Variants in PXDNL observed in about 807,000 individuals in gnomAD.
PXDNL encodes probable oxidoreductase PXDNL.
A neutral mutation model predicts 150.8 loss-of-function variants in PXDNL; 145 were observed. That is an observed-to-expected ratio of 0.96 (90% CI 0.84 to 1.10). The LOEUF (loss-of-function observed/expected upper bound fraction) is 1.10, where lower values mean the gene tolerates loss of function less well. PXDNL is among the 50% of genes least tolerant of loss of function. The pLI, the probability that PXDNL is intolerant of heterozygous loss-of-function variation, is 0.00. For synonymous variants in PXDNL, 757 were observed against 725.7 expected (o/e 1.04, Z -0.69); for missense variants, 2,087 against 1,873.9 (o/e 1.11, Z -2.10).
rs1315249734 is a variant in PXDNL, at chr8:51,413,198, T to C, written c.1856A>G (p.Gln619Arg). ...FVESSILDAV[Q>R]RVDSAINSTR... Reference sequence around the variant, plus strand: ...GGAGTTAATTGCACTGTCAACTCTCTGTACAGCATCAAGAATGGAAGATTC... The same window carrying C: ...GGAGTTAATTGCACTGTCAACTCTCCGTACAGCATCAAGAATGGAAGATTC... The change falls in exon 15 of 23, where the codon CAG (glutamine) becomes CGG (arginine). Residue 619 changes from glutamine to arginine, a missense_variant. By Grantham distance (43) the Gln-to-Arg change is conservative. Coordinates refer to ENST00000356297, the MANE Select transcript of PXDNL (RefSeq NM_144651.5). The C allele has an allele frequency of 1.2e-6, 2 of 1,612,886 alleles. No individual in the cohort carries two copies. Among genetic ancestry groups the C allele is most frequent in the East Asian group, 2.2e-5 (1 of 44,854 alleles).
intron 2 of PXDNL, among the ~76,000 whole-genome samples, chr8:51,640,737 C>T (rs1330752293): frequency 6.6e-6 from 1 of 152,174 alleles, no homozygotes; most frequent in Non-Finnish European, 1.5e-5. Context: ...ATTCCATGCT[C>T]ATGGGTAGGA....
At chr8:51,724,555 T>G (rs35363824) in intron 1 of PXDNL, among the ~76,000 whole-genome samples, 21,347 of 152,212 alleles carry the variant, frequency 0.14, 1,899 homozygotes, top group Non-Finnish European at 0.19. Flanking sequence ...AAGTTGTGTT[T>G]ACCTGTGGAG....
chr8:51,441,113 G>C (rs1251552635), intron 12 of PXDNL, among the ~76,000 whole-genome samples: 2 of 152,134 alleles, frequency 1.3e-5, no homozygotes, highest in Non-Finnish European at 2.9e-5. Flanking sequence ...TACTGTTCTA[G>C]TAATATTGAG....
intron 1 of PXDNL, among the ~76,000 whole-genome samples, chr8:51,714,413 C>T (rs1468107344): frequency 2.6e-5 from 4 of 152,150 alleles, no homozygotes; most frequent in Non-Finnish European, 5.9e-5. Context: ...CATATAAGTA[C>T]ATCTAGAGCA....
chr8:51,656,036 G>T (rs1815143246), intron 1 of PXDNL, among the ~76,000 whole-genome samples: 1 of 152,188 alleles, frequency 6.6e-6, no homozygotes, highest in Admixed American at 6.5e-5. Flanking sequence ...GAAAGATGAA[G>T]TTATTTGCTT....
chr8:51,532,701 A>C (rs921277597), intron 4 of PXDNL, among the ~76,000 whole-genome samples: 2 of 152,164 alleles, frequency 1.3e-5, no homozygotes, highest in African/African-American at 2.4e-5. Context: ...TCTTTGACAA[A>C]GTCTCCCCAA....
intron 1 of PXDNL, among the ~76,000 whole-genome samples, chr8:51,737,549 A>C (rs558998022): frequency 4.2e-4 from 64 of 152,112 alleles, no homozygotes; most frequent in South Asian, 4.2e-3. Flanking sequence ...TCCTCTTTCT[A>C]CCCTGATGAA....
intron 19 of PXDNL, among the ~76,000 whole-genome samples, chr8:51,367,826 T>C (rs879260055): frequency 6.6e-6 from 1 of 152,084 alleles, no homozygotes; most frequent in Non-Finnish European, 1.5e-5. Context: ...AATTCATGGG[T>C]TAAAAACTGT....
chr8:51,646,105 A>C (rs1260597764), intron 2 of PXDNL, among the ~76,000 whole-genome samples: 3 of 152,154 alleles, frequency 2.0e-5, no homozygotes, highest in Non-Finnish European at 4.4e-5. Flanking sequence ...CCCTCACGTG[A>C]CTAAATTTGC....
rs777335028 is a variant in PXDNL at position 51,413,199 on chromosome 8, G to A, written c.1855C>T (p.Gln619Ter). ...GAGTTAATTGCACTGTCAACTCTCT[G>A]TACAGCATCAAGAATGGAAGATTCA... is the stretch of plus-strand genomic sequence containing the variant. Reference protein sequence around the residue: ...FVESSILDAVQRVDSAINSTR... With the variant: ...FVESSILDAV The change falls in exon 15 of 23, where the codon CAG (glutamine) becomes TAG (stop). Residue 619 changes from glutamine to a stop codon, truncating the protein, a stop_gained. Transcript: ENST00000356297. LOFTEE classifies it high-confidence loss of function. The A allele has an allele frequency of 9.9e-6, 16 of 1,612,512 alleles. No individual in the cohort carries two copies. The African/African-American group carries it at 2.1e-4, about 22-fold the overall frequency.
rs1806844723 is a variant in PXDNL at position 51,364,246 on chromosome 8, A to G, written c.3901+7627T>C. Among the ~76,000 whole-genome samples the G allele has an allele frequency of 2.0e-5, 3 of 152,340 alleles. No homozygotes were observed. The South Asian group carries it at 6.2e-4, about 32-fold the overall frequency. Reference sequence around the variant, plus strand: ...GAACCTGAAGACTGAATTTTCTGAGAACAACATCAGAGTTGTCCTTTGCCA... The same window carrying G: ...GAACCTGAAGACTGAATTTTCTGAGGACAACATCAGAGTTGTCCTTTGCCA... On this transcript the variant is annotated intron_variant, in intron 19 of 22. Transcript: ENST00000356297.
At chr8:51,745,638 C>T (rs75924058) in intron 1 of PXDNL, among the ~76,000 whole-genome samples, 3,463 of 152,298 alleles carry the variant, frequency 0.023, 134 homozygotes, top group African/African-American at 0.079. Context: ...CATTACCTTG[C>T]CTCCATCCTG....
intron 2 of PXDNL, among the ~76,000 whole-genome samples, chr8:51,596,520 T>C (rs1358376148): frequency 6.6e-6 from 1 of 152,212 alleles, no homozygotes; most frequent in African/African-American, 2.4e-5. Context: ...CCATCAACAC[T>C]GTATAAGCAT....
intron 2 of PXDNL, among the ~76,000 whole-genome samples, chr8:51,600,402 TTA>T (rs1813678188): frequency 7.6e-6 from 1 of 132,166 alleles, no homozygotes; most frequent in Non-Finnish European, 1.6e-5. Flanking sequence ...AAATTATATC[TTA>T]TATAAATTAT....
At chr8:51,659,479 T>TG (rs1815222965) in intron 1 of PXDNL, among the ~76,000 whole-genome samples, 1 of 152,208 alleles carries the variant, frequency 6.6e-6, no homozygotes, top group African/African-American at 2.4e-5. Flanking sequence ...AAATTCCTGC[T>TG]GCCAAAAAGA....
At chr8:51,483,232 A>G (rs909184730) in intron 6 of PXDNL, among the ~76,000 whole-genome samples, 2 of 152,286 alleles carry the variant, frequency 1.3e-5, no homozygotes, top group South Asian at 4.1e-4. Flanking sequence ...TTAATGTAGG[A>G]GGAAATGAGT....
intron 8 of PXDNL, among the ~76,000 whole-genome samples, chr8:51,463,843 T>C (rs1810138271): frequency 6.6e-6 from 1 of 152,142 alleles, no homozygotes; most frequent in African/African-American, 2.4e-5. Flanking sequence ...CCTGAATGAC[T>C]TTTGGGTAAA....
intron 4 of PXDNL, among the ~76,000 whole-genome samples, chr8:51,535,790 T>C (rs1186124707): frequency 1.3e-5 from 2 of 152,234 alleles, no homozygotes; most frequent in African/African-American, 2.4e-5. Flanking sequence ...CTTCTTTCTT[T>C]TTCTCCTTTC....
At position 51,628,399 on chromosome 8, in the gene PXDNL, C is replaced by CTTTTTTTTTT. The variant is rs71550276; in HGVS notation, c.236+26280_236+26289dup. Among the ~76,000 whole-genome samples, 237 of 69,796 alleles carry CTTTTTTTTTT rather than the reference C, an allele frequency of 3.4e-3. 4 individuals carry two copies. Among genetic ancestry groups the CTTTTTTTTTT allele is most frequent in the African/African-American group, 7.1e-3 (121 of 17,100 alleles). The allele number at this position is 69,796 out of a possible 152,430, so 45.8% of individuals were successfully genotyped here. A position where few individuals can be genotyped will look rare whatever the true frequency, so the allele number is the denominator to read the frequency against. Reference sequence around the variant, plus strand: ...ATCTCTCTCTGTTTTCTTTTCTTTTCTTTTTTTTTTTTTTTTTTTTTTTGG... The same window carrying CTTTTTTTTTT: ...ATCTCTCTCTGTTTTCTTTTCTTTTCTTTTTTTTTTTTTTTTTTTTTTTTTTTTTTTTTGG... On this transcript the variant is annotated intron_variant, in intron 2 of 22. Coordinates refer to ENST00000356297, the MANE Select transcript of PXDNL (RefSeq NM_144651.5).
Sources: gnomAD v4.1 joint callset for allele counts (sites outside exome capture counted in the v4.1 genomes callset) on GRCh38, gnomAD v4.1.1 for gene constraint, MANE v1.5 for transcripts, NCBI Gene and HGNC (gene_info 2026-07-23, HGNC 2026-07-21) for gene names.